The following WDFY3 variants were observed in gnomAD, a reference collection of about 807,000 sequenced individuals.
WDFY3 encodes the protein WD repeat and FYVE domain containing 3, also known as WD repeat and FYVE domain-containing protein 3.
A neutral mutation model predicts 409.6 loss-of-function variants in WDFY3; 66 were observed. The ratio of observed to expected loss-of-function variants is 0.16; its 90% CI spans 0.13 to 0.20. The LOEUF (loss-of-function observed/expected upper bound fraction) is 0.20, where lower values mean the gene tolerates loss of function less well. Ranked by LOEUF, WDFY3 falls within the 10% of genes least tolerant of loss-of-function variation. The pLI, the probability that WDFY3 is intolerant of heterozygous loss-of-function variation, is 1.00. For synonymous variants in WDFY3, 1,521 were observed against 1,537.1 expected, an observed-to-expected ratio of 0.99 and a Z score of 0.25; for missense variants, 3,031 against 4,298.1, an observed-to-expected ratio of 0.71 and a Z score of 8.24.
At chr4:84,757,185 T>C (rs1741608617) in intron 32 of WDFY3, 24 bp from the exon 33 acceptor site, 1 of 1,599,808 alleles carries the variant, frequency 6.3e-7, no homozygotes, top group South Asian at 1.1e-5. Flanking sequence ...AATATAACAG[T>C]AAGTGCAAAA....
intron 2 of WDFY3, among the ~76,000 whole-genome samples, chr4:84,901,117 T>C (rs1366561243): frequency 6.6e-6 from 1 of 152,164 alleles, no homozygotes; most frequent in Non-Finnish European, 1.5e-5. Flanking sequence ...ACCTAATGCA[T>C]AAAGGCTCGT....
chr4:84,705,923 T>C (rs1731856463), intron 53 of WDFY3, among the ~76,000 whole-genome samples: 1 of 152,016 alleles, frequency 6.6e-6, no homozygotes. Flanking sequence ...CCTTGTGTCC[T>C]CCCTCCCTCC....
chr4:84,848,852 C>T (rs1181719761), intron 5 of WDFY3, among the ~76,000 whole-genome samples: 1 of 152,056 alleles, frequency 6.6e-6, no homozygotes, highest in Non-Finnish European at 1.5e-5. Context: ...CTCTTATTGA[C>T]CCTTGGTTTT....
rs1358972599 is a variant in WDFY3, at chr4:84,810,403, A to G, written c.1888-59T>C. On this transcript the variant is annotated intron_variant, in intron 13 of 67. Transcript: ENST00000295888. Reference sequence around the variant, plus strand: ...ACACATAATTCAAAAAAAAAAAAAAACCACTATGCATGTATATGGAGGTTG... The same window carrying G: ...ACACATAATTCAAAAAAAAAAAAAAGCCACTATGCATGTATATGGAGGTTG... 6.4e-6 allele frequency: 8 copies of G among 1,244,362 alleles called. No homozygotes were observed. In the African/African-American group the frequency reaches 1.1e-4, roughly 17 times the overall value. The allele number at this position is 1,244,362 out of a possible 1,614,324, so 77.1% of individuals were successfully genotyped here. A position where few individuals can be genotyped will look rare whatever the true frequency, so the allele number is the denominator to read the frequency against.
chr4:84,784,234 C>G (rs1011083160), intron 24 of WDFY3, among the ~76,000 whole-genome samples: 5 of 152,180 alleles, frequency 3.3e-5, no homozygotes, highest in Non-Finnish European at 7.3e-5. Context: ...TTCCATTTCC[C>G]TATCTACATC....
chr4:84,795,111 G>A, intron 19 of WDFY3, 132 bp from the exon 20 acceptor site: 2 of 517,420 alleles, frequency 3.9e-6, no homozygotes, highest in Non-Finnish European at 6.2e-6. Context: ...AAATCTGGAT[G>A]CCTCGCAAAG....
chr4:84,849,787 A>G, intron 5 of WDFY3, 115 bp downstream of exon 5: 1 of 1,415,614 alleles, frequency 7.1e-7, no homozygotes, highest in African/African-American at 1.5e-5. Context: ...GGAATGGGTA[A>G]ATGAACTCAA....
intron 4 of WDFY3, among the ~76,000 whole-genome samples, chr4:84,854,484 AT>A (rs1244209574): frequency 6.6e-6 from 1 of 152,238 alleles, no homozygotes; most frequent in Non-Finnish European, 1.5e-5. Context: ...AAGTAGTGGT[AT>A]TTCTTGAAAC....
At position 84,670,058 on chromosome 4, in the gene WDFY3, A is replaced by G. The variant is rs1302997948; in HGVS notation, c.*2810T>C. 1 of 152,658 alleles carries G rather than the reference A, an allele frequency of 6.6e-6. No homozygotes were observed. 9.5% of individuals were successfully genotyped at this position (152,658 alleles called of 1,614,324 possible). ...ACAAAGCAAAAATAAGTTTCTACCA[A>G]CTTTATACATAAGAAAGTGCAAAAT... On this transcript the variant is annotated 3_prime_UTR_variant, in exon 68 of 68. Coordinates refer to ENST00000295888, the MANE Select transcript of WDFY3 (RefSeq NM_014991.6).
At position 84,733,519 on chromosome 4, in the gene WDFY3, T is replaced by C; in HGVS notation, c.7084A>G (p.Ile2362Val). 6.2e-7 allele frequency: 1 copy of C among 1,614,124 alleles called. No individual in the cohort carries two copies. The highest frequency in any genetic ancestry group is 2.2e-5 in the East Asian group (1 of 44,862). ...LRERGLWGPP[I>V]GSHLDKWMLE... is the part of the protein sequence containing the mutation. ...ATCCACTTGTCGAGGTGGGAGCCGATGGGAGGGCCCCACAGCCCCCGCTCC... is the reference window on the plus strand; with the variant it reads ...ATCCACTTGTCGAGGTGGGAGCCGACGGGAGGGCCCCACAGCCCCCGCTCC... The change falls in exon 44 of 68, where the codon ATC becomes GTC. Residue 2362 changes from isoleucine (I) to valine (V), a missense_variant. Ile to Val is a conservative substitution (Grantham distance 29). Around this residue, in one of 16 missense-constraint regions of WDFY3, gnomAD observed 98 missense variants for 194.9 expected, o/e 0.50. Transcript: ENST00000295888.
intron 1 of WDFY3, among the ~76,000 whole-genome samples, chr4:84,948,915 G>A (rs775261895): frequency 1.2e-4 from 19 of 152,020 alleles, no homozygotes; most frequent in Middle Eastern, 3.4e-3. Flanking sequence ...CATTCATTTC[G>A]TCATTTACAC....
intron 37 of WDFY3, among the ~76,000 whole-genome samples, chr4:84,742,751 G>A (rs1006882909): frequency 6.6e-6 from 1 of 152,170 alleles, no homozygotes; most frequent in African/African-American, 2.4e-5. Context: ...TGTAATGCTT[G>A]CATCATCGCA....
At position 84,736,197 on chromosome 4, in the gene WDFY3, A is replaced by G. The variant is rs765694580; in HGVS notation, c.6888T>C (p.Gly2296=). ...GGGTGGAAAGACTGTGTTTATTAAG[A>G]CCACTTTCTTTTCGATTCCTTCTTG... ...TGSRRNRKES[G]LNKHSLSTQE... The change falls in exon 42 of 68, where the codon GGT becomes GGC. Residue 2296 remains glycine, a synonymous_variant. Coordinates refer to ENST00000295888, the MANE Select transcript of WDFY3 (RefSeq NM_014991.6). 19 of 1,612,350 alleles carry G rather than the reference A, an allele frequency of 1.2e-5. No individual in the cohort carries two copies. The highest frequency in any genetic ancestry group is 1.5e-5 in the Non-Finnish European group (18 of 1,179,176).
intron 50 of WDFY3, among the ~76,000 whole-genome samples, chr4:84,714,676 G>T (rs1733538424): frequency 6.6e-6 from 1 of 152,014 alleles, no homozygotes; most frequent in Non-Finnish European, 1.5e-5. Flanking sequence ...GCCGGGCACG[G>T]TGGGTGGCTC....
At chr4:84,829,305 CTA>C in intron 8 of WDFY3, 115 bp from the exon 9 acceptor site, 1 of 861,358 alleles carries the variant, frequency 1.2e-6, no homozygotes, top group South Asian at 2.2e-5. Context: ...CTGTAAAATA[CTA>C]TGAGATAAAT....
At chr4:84,731,675 G>T (rs1312489577) in intron 44 of WDFY3, among the ~76,000 whole-genome samples, 1 of 152,164 alleles carries the variant, frequency 6.6e-6, no homozygotes, top group Non-Finnish European at 1.5e-5. Context: ...AAATGCTGAT[G>T]ATACTACGGT....
chr4:84,909,154 T>C (rs960003155), intron 2 of WDFY3, among the ~76,000 whole-genome samples: 7 of 152,088 alleles, frequency 4.6e-5, no homozygotes, highest in Non-Finnish European at 8.8e-5. Context: ...TATAACTTTT[T>C]AGAACTGTGA....
intron 44 of WDFY3, 123 bp downstream of exon 44, chr4:84,733,259 T>C (rs1736902487): frequency 1.9e-6 from 2 of 1,056,398 alleles, no homozygotes; most frequent in African/African-American, 1.6e-5. Flanking sequence ...ATCAATTTAA[T>C]AGCGTATGTT....
chr4:84,932,409 A>G (rs912001731), intron 1 of WDFY3, 46 bp from the exon 2 acceptor site: 89 of 152,330 alleles, frequency 5.8e-4, no homozygotes, highest in African/African-American at 2.1e-3. Context: ...TTCAGAATAT[A>G]CATCATGAGT....
Sources: gnomAD v4.1 joint callset for allele counts (sites outside exome capture counted in the v4.1 genomes callset) on GRCh38, gnomAD v4.1.1 for gene constraint, gnomAD v4.1.1 regional missense constraint, MANE v1.5 for transcripts, NCBI Gene and HGNC (gene_info 2026-07-23, HGNC 2026-07-21) for gene names.